Variants in DCDC1 observed in about 807,000 individuals in gnomAD.
The protein encoded by DCDC1 is doublecortin domain-containing protein 1.
A neutral mutation model predicts 178.3 loss-of-function variants in DCDC1; 200 were observed. The observed-to-expected ratio is 1.12, with a 90% confidence interval of 1.00 to 1.26. DCDC1 has a LOEUF of 1.26. Ranked by LOEUF, DCDC1 falls within the 50% of genes most tolerant of loss-of-function variation. DCDC1 has a pLI of 0.00. For missense variants in DCDC1, 1,983 were observed against 1,749.2 expected (o/e 1.13, Z -2.38); for synonymous variants, 690 against 604.8 (o/e 1.14, Z -2.07).
chr11:31,114,478 G>A (rs1346756964), intron 11 of DCDC1, among the ~76,000 whole-genome samples: 1 of 152,162 alleles, frequency 6.6e-6, no homozygotes, highest in Non-Finnish European at 1.5e-5. Flanking sequence ...GGAGTGTGAT[G>A]GATGTGCTGG....
chr11:31,146,874 C>T (rs1964510256), intron 9 of DCDC1, among the ~76,000 whole-genome samples: 1 of 152,158 alleles, frequency 6.6e-6, no homozygotes, highest in Admixed American at 6.5e-5. Context: ...ACTTCCATGA[C>T]CTAGGACACA....
intron 9 of DCDC1, among the ~76,000 whole-genome samples, chr11:31,146,149 T>C (rs547242454): frequency 6.6e-6 from 1 of 150,526 alleles, no homozygotes; most frequent in South Asian, 2.2e-4. Context: ...ATCGGCTCAC[T>C]GCAACCTCCG....
chr11:30,901,850 T>C (rs1339839258), intron 32 of DCDC1, among the ~76,000 whole-genome samples: 3 of 152,170 alleles, frequency 2.0e-5, no homozygotes, highest in African/African-American at 4.8e-5. Context: ...TAAAACTCGT[T>C]TGAATACAAA....
intron 20 of DCDC1, among the ~76,000 whole-genome samples, chr11:31,001,001 A>G (rs950197110): frequency 6.6e-6 from 1 of 152,154 alleles, no homozygotes; most frequent in African/African-American, 2.4e-5. Flanking sequence ...GTTAGTATTA[A>G]CATCCATTGA....
intron 29 of DCDC1, 35 bp from the exon 30 acceptor site, chr11:30,906,760 G>A: frequency 6.3e-7 from 1 of 1,574,888 alleles, no homozygotes; most frequent in Non-Finnish European, 8.6e-7. Flanking sequence ...TTATATAGGA[G>A]CATCTAAATT....
intron 6 of DCDC1, among the ~76,000 whole-genome samples, chr11:31,294,798 AAAAGAAAGAAAGAAAGAAAG>A (rs199955696): frequency 0.086 from 10,828 of 125,242 alleles, 536 homozygotes; most frequent in East Asian, 0.14. Context: ...AAAATAAAGA[AAAAGAAAGAAAGAAAGAAAG>A]AAAGAAAGAA....
chr11:31,096,253 T>C (rs1342090458), intron 15 of DCDC1, among the ~76,000 whole-genome samples: 1 of 152,214 alleles, frequency 6.6e-6, no homozygotes, highest in Admixed American at 6.5e-5. Context: ...AGTGCCTGGA[T>C]TCTGGAGGGG....
chr11:30,993,559 C>A (rs1483573519), intron 20 of DCDC1, among the ~76,000 whole-genome samples: 3 of 152,122 alleles, frequency 2.0e-5, no homozygotes, highest in East Asian at 3.9e-4. Flanking sequence ...AATTGATAAA[C>A]CTCTAGCTAG....
chr11:30,871,809 A>G (rs559953005), intron 38 of DCDC1, among the ~76,000 whole-genome samples: 13 of 152,004 alleles, frequency 8.6e-5, no homozygotes, highest in Non-Finnish European at 1.9e-4. Flanking sequence ...ATTATTTCTA[A>G]GGGAATTATA....
intron 9 of DCDC1, among the ~76,000 whole-genome samples, chr11:31,192,165 C>T (rs1970203839): frequency 6.6e-6 from 1 of 152,068 alleles, no homozygotes; most frequent in Non-Finnish European, 1.5e-5. Flanking sequence ...TAGGACCTCA[C>T]CAGCACTCAC....
intron 9 of DCDC1, among the ~76,000 whole-genome samples, chr11:31,228,017 G>A (rs1203798648): frequency 6.6e-6 from 1 of 151,914 alleles, no homozygotes. Context: ...AGAAAACATT[G>A]TTAGAACTGA....
Position 31,226,668 on chromosome 11 carries a change from G to A in DCDC1, c.1221+14782C>T, listed in dbSNP as rs549652849. On this transcript the variant is annotated intron_variant, in intron 9 of 38. Transcript: ENST00000684477. ...TCTACTGACTTATTCCAAACTCAATGAGAAGGAAGGAAGATCTCAAAAAAG... is the reference window on the plus strand; with the variant it reads ...TCTACTGACTTATTCCAAACTCAATAAGAAGGAAGGAAGATCTCAAAAAAG... Among the ~76,000 whole-genome samples, 8 of 146,814 alleles carry A rather than the reference G, an allele frequency of 5.4e-5. No individual in the cohort carries two copies. In the South Asian group the frequency reaches 1.7e-3, roughly 31 times the overall value.
chr11:31,254,015 C>T (rs140379818), intron 8 of DCDC1, among the ~76,000 whole-genome samples: 191 of 152,204 alleles, frequency 1.3e-3, no homozygotes, highest in Non-Finnish European at 2.0e-3. Context: ...CAACCCACAC[C>T]AACATGTAGC....
intron 9 of DCDC1, among the ~76,000 whole-genome samples, chr11:31,231,561 A>T (rs896151606): frequency 6.6e-6 from 1 of 152,190 alleles, no homozygotes; most frequent in Non-Finnish European, 1.5e-5. Flanking sequence ...TAAAAAGTGC[A>T]TATAGGAGTT....
At chr11:31,097,848 T>C (rs932772589) in intron 15 of DCDC1, among the ~76,000 whole-genome samples, 32 of 152,064 alleles carry the variant, frequency 2.1e-4, no homozygotes, top group African/African-American at 7.5e-4. Context: ...CAGCAAAGAG[T>C]TGTTTGTCGT....
intron 7 of DCDC1, among the ~76,000 whole-genome samples, chr11:31,288,483 G>A (rs1591650395): frequency 6.6e-6 from 1 of 151,858 alleles, no homozygotes; most frequent in African/African-American, 2.4e-5. Flanking sequence ...TCCTTTTGAT[G>A]TTCTACTTAT....
intron 37 of DCDC1, among the ~76,000 whole-genome samples, chr11:30,880,434 C>T (rs1416656807): frequency 6.6e-6 from 1 of 152,128 alleles, no homozygotes; most frequent in Non-Finnish European, 1.5e-5. Context: ...GGTTTGCCTA[C>T]ATTACATACA....
chr11:31,130,328 A>T (rs1962265499), intron 10 of DCDC1, among the ~76,000 whole-genome samples: 1 of 152,174 alleles, frequency 6.6e-6, no homozygotes, highest in African/African-American at 2.4e-5. Flanking sequence ...TGACATCAGA[A>T]TTCCTATGTG....
chr11:31,098,663 C>T (rs1343222937), intron 15 of DCDC1, among the ~76,000 whole-genome samples: 1 of 152,174 alleles, frequency 6.6e-6, no homozygotes, highest in Non-Finnish European at 1.5e-5. Flanking sequence ...CAGCAAGATT[C>T]TACAATAAAA....
Sources: allele counts gnomAD v4.1 joint callset (sites outside exome capture counted in the v4.1 genomes callset), GRCh38; gene constraint gnomAD v4.1.1; transcripts MANE v1.5; gene names NCBI Gene and HGNC (gene_info 2026-07-23, HGNC 2026-07-21).